The following CUL5 variants were observed in gnomAD, a reference collection of about 807,000 sequenced individuals.
The protein encoded by CUL5 is cullin 5.
A neutral mutation model predicts 108.8 loss-of-function variants in CUL5; 26 were observed. The ratio of observed to expected loss-of-function variants is 0.24; its 90% CI spans 0.18 to 0.33. The LOEUF is 0.33. Among genes scored for constraint, CUL5 ranks in the 10% least tolerant of loss-of-function variants. The pLI is 1.00. For synonymous variants in CUL5, 334 were observed against 298.0 expected (o/e 1.12, Z -1.25); for missense variants, 524 against 909.2 (o/e 0.58, Z 5.45).
At chr11:108,040,020 A>G (rs767800651) in intron 2 of CUL5, among the ~76,000 whole-genome samples, 16 of 152,238 alleles carry the variant, frequency 1.1e-4, no homozygotes, top group Non-Finnish European at 2.1e-4. Context: ...CAAGGAAATC[A>G]AAACCTCTGG....
In CUL5 at chr11:108,058,245, C is replaced by CTTT. The variant is rs771714382; in HGVS notation, c.780+3309_780+3311dup. 3.1e-3 allele frequency among the ~76,000 whole-genome samples: 312 copies of CTTT among 100,102 alleles called. 5 individuals carry two copies. Among genetic ancestry groups the CTTT allele is most frequent in the East Asian group, 5.8e-3 (16 of 2,774 alleles). The allele number at this position is 100,102 out of a possible 152,430, so 65.7% of individuals were successfully genotyped here. A position where few individuals can be genotyped will look rare whatever the true frequency, so the allele number is the denominator to read the frequency against. ...AAAAAAAGAATATTATGAAGAGTGC[C>CTTT]TTTTTTTTTTTTTTTTTTTTTGAAA... On this transcript the variant is annotated intron_variant, in intron 7 of 18. Transcript: ENST00000393094.
intron 2 of CUL5, among the ~76,000 whole-genome samples, chr11:108,038,354 C>A (rs1223419063): frequency 6.6e-6 from 1 of 152,044 alleles, no homozygotes; most frequent in Non-Finnish European, 1.5e-5. Flanking sequence ...CGTCAATAAC[C>A]TTTTACTTGC....
At chr11:108,060,087 CTAGGTCACAAGTTATA>C (rs1399346388) in intron 7 of CUL5, among the ~76,000 whole-genome samples, 2 of 151,946 alleles carry the variant, frequency 1.3e-5, no homozygotes, top group Non-Finnish European at 2.9e-5. Context: ...GAATAAGCAA[CTAGGTCACAAGTTATA>C]AATTATTAAC....
chr11:108,020,629 A>C (rs2135052561), intron 1 of CUL5, among the ~76,000 whole-genome samples: 1 of 151,578 alleles, frequency 6.6e-6, no homozygotes, highest in Non-Finnish European at 1.5e-5. Context: ...TGATCTTTGC[A>C]CCTCAGCCTC....
rs200991204 is a variant in CUL5, at chr11:108,048,648, C to CTTT, written c.235-1208_235-1206dup. Among the ~76,000 whole-genome samples, 25 of 116,866 alleles carry CTTT rather than the reference C, an allele frequency of 2.1e-4. 1 individual carries two copies. Among genetic ancestry groups the CTTT allele is most frequent in the African/African-American group, 8.1e-4 (21 of 25,850 alleles). The allele number at this position is 116,866 out of a possible 152,430, so 76.7% of individuals were successfully genotyped here. On this transcript the variant is annotated intron_variant, in intron 3 of 18. Transcript: ENST00000393094. Reference sequence around the variant, plus strand: ...ATAGTGGGGAAATAGACTCCACCACCTTTTTTTTTTTTTTTTTTTTTTTTT... The same window carrying CTTT: ...ATAGTGGGGAAATAGACTCCACCACCTTTTTTTTTTTTTTTTTTTTTTTTTTTT...
chr11:108,009,544 G>A (rs1284516077), intron 1 of CUL5, among the ~76,000 whole-genome samples, 172 bp downstream of exon 1: 1 of 152,096 alleles, frequency 6.6e-6, no homozygotes, highest in Non-Finnish European at 1.5e-5. Context: ...TGTGGCCTTG[G>A]GGTCGACAGG....
chr11:108,079,494 C>A (rs533002128), intron 11 of CUL5, among the ~76,000 whole-genome samples: 2 of 152,164 alleles, frequency 1.3e-5, no homozygotes, highest in African/African-American at 4.8e-5. Flanking sequence ...TATATACATT[C>A]GTCAGTCAAC....
Position 108,022,245 on chromosome 11 carries a change from G to A in CUL5, c.25-11557G>A, listed in dbSNP as rs761449232. 1.4e-4 allele frequency among the ~76,000 whole-genome samples: 21 copies of A among 152,244 alleles called. 1 individual carries two copies. Among genetic ancestry groups the A allele is most frequent in the African/African-American group, 4.1e-4 (17 of 41,548 alleles). ...AGGGATTTCTGGGTGTTTTCGGGGC[G>A]AACCAGTAGGTCAACATTTGTATTA... is the stretch of plus-strand genomic sequence containing the variant. On this transcript the variant is annotated intron_variant, in intron 1 of 18. Coordinates refer to ENST00000393094, the MANE Select transcript of CUL5 (RefSeq NM_003478.6).
At chr11:108,061,780 T>C (rs1361669178) in intron 7 of CUL5, among the ~76,000 whole-genome samples, 1 of 152,108 alleles carries the variant, frequency 6.6e-6, no homozygotes, top group East Asian at 1.9e-4. Context: ...ACTGAGTAAT[T>C]TGTAAAGGAA....
intron 7 of CUL5, among the ~76,000 whole-genome samples, chr11:108,058,272 A>C (rs1863447460): frequency 7.7e-6 from 1 of 130,564 alleles, no homozygotes; most frequent in Non-Finnish European, 1.6e-5. Context: ...TTTTTGAAAC[A>C]TAGCCCTGAT....
chr11:108,063,440 A>G (rs1353084090), intron 7 of CUL5, among the ~76,000 whole-genome samples: 1 of 151,966 alleles, frequency 6.6e-6, no homozygotes, highest in African/African-American at 2.4e-5. Flanking sequence ...TTCATTATCC[A>G]TTCATTTGTT....
intron 7 of CUL5, 54 bp downstream of exon 7, chr11:108,055,009 T>C: frequency 8.4e-7 from 1 of 1,193,818 alleles, no homozygotes; most frequent in Non-Finnish European, 1.2e-6. Context: ...TACGGAAGCA[T>C]AGGAATGGCA....
chr11:108,068,072 G>A (rs1863732096), intron 7 of CUL5, among the ~76,000 whole-genome samples: 1 of 151,960 alleles, frequency 6.6e-6, no homozygotes, highest in African/African-American at 2.4e-5. Context: ...GGGATTACAG[G>A]CACCCACCAT....
intron 2 of CUL5, among the ~76,000 whole-genome samples, chr11:108,037,888 G>A: frequency 6.6e-6 from 1 of 152,150 alleles, no homozygotes; most frequent in East Asian, 1.9e-4. Context: ...TCTTGCACAC[G>A]GGTCTGTCTT....
In CUL5 at chr11:108,070,249, T is replaced by A. The variant is rs1863786418; in HGVS notation, c.874+60T>A. ...TCTAAGAGGGTATCTTTGAAACAAA[T>A]CACTTACTAAGTTGCTCTTAGTTAA... On this transcript the variant is annotated intron_variant, in intron 8 of 18. Transcript: ENST00000393094. 4.8e-6 allele frequency: 6 copies of A among 1,250,494 alleles called. No homozygotes were observed. In the Admixed American group the frequency reaches 7.1e-5, roughly 15 times the overall value. The allele number at this position is 1,250,494 out of a possible 1,614,324, so 77.5% of individuals were successfully genotyped here.
intron 18 of CUL5, among the ~76,000 whole-genome samples, chr11:108,101,340 A>C (rs1462745288): frequency 6.6e-6 from 1 of 152,232 alleles, no homozygotes; most frequent in Non-Finnish European, 1.5e-5. Flanking sequence ...TTTGGCAGCT[A>C]TGAAGTAGTT....
chr11:108,102,159 T>C (rs116652064), intron 18 of CUL5, among the ~76,000 whole-genome samples: 2,541 of 151,980 alleles, frequency 0.017, 65 homozygotes, highest in African/African-American at 0.058. Flanking sequence ...GTAGCTGGGA[T>C]TAGAGGTGCT....
rs1864657169 is a variant in CUL5, at chr11:108,101,266, C to T, written c.2148+2737C>T. Among the ~76,000 whole-genome samples, 2 of 152,150 alleles carry T rather than the reference C, an allele frequency of 1.3e-5. 1 individual carries two copies. Among genetic ancestry groups the T allele is most frequent in the South Asian group, 4.1e-4 (2 of 4,826 alleles). ...TTGAGTGTGAGAGGGATTTGCTTGA[C>T]TGGTAATGACAGTAAAGGGAGTGTC... On this transcript the variant is annotated intron_variant, in intron 18 of 18. Coordinates refer to ENST00000393094, the MANE Select transcript of CUL5 (RefSeq NM_003478.6).
intron 11 of CUL5, among the ~76,000 whole-genome samples, chr11:108,079,167 G>A (rs1401090267): frequency 3.3e-5 from 5 of 152,056 alleles, no homozygotes; most frequent in African/African-American, 7.2e-5. Flanking sequence ...GCAGTGGTAC[G>A]ACCTCAGCTC....
Sources: allele counts gnomAD v4.1 joint callset (sites outside exome capture counted in the v4.1 genomes callset), GRCh38; gene constraint gnomAD v4.1.1; transcripts MANE v1.5; gene names NCBI Gene and HGNC (gene_info 2026-07-23, HGNC 2026-07-21).